Variants in ADGB observed in about 807,000 individuals in gnomAD.
The protein encoded by ADGB is androglobin.
A neutral mutation model predicts 210.5 loss-of-function variants in ADGB; 172 were observed. The observed-to-expected ratio is 0.82, with a 90% CI of 0.72 to 0.93. The LOEUF is 0.93. Among genes scored for constraint, ADGB ranks in the 40% least tolerant of loss-of-function variants. ADGB has a pLI of 0.00. For missense variants in ADGB, 2,025 were observed against 1,964.8 expected (o/e 1.03, Z -0.58); for synonymous variants, 658 against 662.7 (o/e 0.99, Z 0.11).
At chr6:146,733,333 G>A in intron 21 of ADGB, 78 bp downstream of exon 21, 1 of 1,319,648 alleles carries the variant, frequency 7.6e-7, no homozygotes, top group Non-Finnish European at 1.0e-6. Context: ...ATGTGTTTGT[G>A]GAGTAAGTGG....
At chr6:146,763,805 C>A (rs981381753) in intron 27 of ADGB, 96 bp from the exon 28 acceptor site, 37 of 1,111,262 alleles carry the variant, frequency 3.3e-5, no homozygotes, top group Non-Finnish European at 4.4e-5. Context: ...TTGACCTATT[C>A]CTTTGAGTGT....
chr6:146,695,149 C>A (rs975255158), intron 12 of ADGB, among the ~76,000 whole-genome samples: 2 of 152,110 alleles, frequency 1.3e-5, no homozygotes, highest in African/African-American at 4.8e-5. Flanking sequence ...ATTCAATGAC[C>A]TGAGACTACT....
At chr6:146,647,566 G>T (rs4895700) in intron 3 of ADGB, among the ~76,000 whole-genome samples, 43,255 of 151,956 alleles carry the variant, frequency 0.28, 7,127 homozygotes, top group Admixed American at 0.39. Context: ...TTAAAAAAGC[G>T]AAGAGCACAG....
At chr6:146,669,360 T>A (rs1348026242) in intron 7 of ADGB, among the ~76,000 whole-genome samples, 3 of 151,918 alleles carry the variant, frequency 2.0e-5, no homozygotes, top group Non-Finnish European at 2.9e-5. Flanking sequence ...GGAAAAAAAA[T>A]CTTAATAAAT....
chr6:146,765,260 C>T (rs760166462), intron 28 of ADGB, among the ~76,000 whole-genome samples: 3 of 151,696 alleles, frequency 2.0e-5, no homozygotes, highest in Admixed American at 6.6e-5. Context: ...ATAAGTAAAT[C>T]ATGAATAATT....
chr6:146,697,362 A>G (rs772676372), intron 12 of ADGB, among the ~76,000 whole-genome samples: 1 of 152,214 alleles, frequency 6.6e-6, no homozygotes, highest in East Asian at 1.9e-4. Context: ...TATATCAAAG[A>G]CTAGCAAATT....
intron 13 of ADGB, among the ~76,000 whole-genome samples, chr6:146,705,924 G>A (rs1487364416): frequency 6.6e-6 from 1 of 151,934 alleles, no homozygotes; most frequent in Non-Finnish European, 1.5e-5. Context: ...TTCTTTGATA[G>A]GAGACTTTTT....
intron 35 of ADGB, among the ~76,000 whole-genome samples, chr6:146,810,482 C>T (rs1480136640): frequency 2.0e-5 from 3 of 152,054 alleles, no homozygotes; most frequent in Non-Finnish European, 4.4e-5. Flanking sequence ...ATCAGTATGT[C>T]TATGAGAGGT....
At chr6:146,810,303 T>G (rs1037389521) in intron 35 of ADGB, among the ~76,000 whole-genome samples, 2 of 152,150 alleles carry the variant, frequency 1.3e-5, no homozygotes, top group Non-Finnish European at 2.9e-5. Context: ...AGACAAGAGA[T>G]AAGTGTTGGG....
intron 3 of ADGB, among the ~76,000 whole-genome samples, chr6:146,652,299 T>C (rs1775713358): frequency 6.6e-6 from 1 of 152,196 alleles, no homozygotes; most frequent in South Asian, 2.1e-4. Flanking sequence ...CACTGAAGTA[T>C]AGGGGCATTT....
At chr6:146,672,727 C>CTTTTTTTTTTTTT (rs58547170) in intron 8 of ADGB, among the ~76,000 whole-genome samples, 1 of 142,820 alleles carries the variant, frequency 7.0e-6, no homozygotes. Context: ...GTTTTTCTTT[C>CTTTTTTTTTTTTT]TTTTTTTTTT....
chr6:146,691,481 T>A (rs1220972905), intron 11 of ADGB, among the ~76,000 whole-genome samples, 191 bp downstream of exon 11: 4 of 13,360 alleles, frequency 3.0e-4, no homozygotes, highest in Non-Finnish European at 5.0e-4. Context: ...TATATAAATA[T>A]ATATATATAT....
intron 10 of ADGB, among the ~76,000 whole-genome samples, chr6:146,687,545 C>T (rs933307845): frequency 1.3e-5 from 2 of 151,926 alleles, no homozygotes; most frequent in Non-Finnish European, 2.9e-5. Flanking sequence ...AACACAAGAA[C>T]AGAAAATCAA....
intron 1 of ADGB, among the ~76,000 whole-genome samples, chr6:146,610,865 C>A (rs938247633): frequency 6.6e-6 from 1 of 152,078 alleles, no homozygotes; most frequent in African/African-American, 2.4e-5. Context: ...ATGCACGTGC[C>A]CATGCTGCTG....
At chr6:146,782,484 A>G (rs140953891) in intron 30 of ADGB, among the ~76,000 whole-genome samples, 7 of 152,330 alleles carry the variant, frequency 4.6e-5, no homozygotes, top group African/African-American at 1.7e-4. Context: ...ACAGTCTAAT[A>G]ATGGAGGAGA....
At chr6:146,718,613 A>G (rs1419977769) in intron 16 of ADGB, among the ~76,000 whole-genome samples, 1 of 152,246 alleles carries the variant, frequency 6.6e-6, no homozygotes, top group Non-Finnish European at 1.5e-5. Context: ...AAGAAAAACT[A>G]TGACACATAT....
chr6:146,653,881 T>C (rs930145466), intron 3 of ADGB, among the ~76,000 whole-genome samples: 1 of 152,172 alleles, frequency 6.6e-6, no homozygotes, highest in African/African-American at 2.4e-5. Context: ...TTATTTCTTA[T>C]TTCTCTGGTT....
At chr6:146,675,151 T>A (rs1322655883) in intron 8 of ADGB, among the ~76,000 whole-genome samples, 3 of 152,148 alleles carry the variant, frequency 2.0e-5, no homozygotes, top group African/African-American at 7.2e-5. Context: ...GTGTTAAATC[T>A]GCTGAAAAAG....
At chr6:146,629,419 A>G (rs551207389) in intron 1 of ADGB, among the ~76,000 whole-genome samples, 2 of 152,188 alleles carry the variant, frequency 1.3e-5, no homozygotes, top group Non-Finnish European at 2.9e-5. Flanking sequence ...GAGTCTTTTT[A>G]AGTAATCTTC....
Sources: allele counts gnomAD v4.1 joint callset (sites outside exome capture counted in the v4.1 genomes callset), GRCh38; gene constraint gnomAD v4.1.1; transcripts MANE v1.5; gene names NCBI Gene and HGNC (gene_info 2026-07-23, HGNC 2026-07-21).